Variants in ADAMTS14 observed in about 807,000 individuals in gnomAD.
ADAMTS14 encodes A disintegrin and metalloproteinase with thrombospondin motifs 14.
ADAMTS14 carries 100 observed loss-of-function variants against 128.6 expected under a neutral mutation model. That is an observed-to-expected ratio of 0.78 (90% CI 0.66 to 0.92). The LOEUF is 0.92. Ranked by LOEUF, ADAMTS14 falls within the 40% of genes least tolerant of loss-of-function variation. The pLI is 0.00. For missense variants in ADAMTS14, 1,562 were observed against 1,658.6 expected, an observed-to-expected ratio of 0.94 and a Z score of 1.01; for synonymous variants, 665 against 653.8, an observed-to-expected ratio of 1.02 and a Z score of -0.26.
chr10:70,727,025 T>C (rs929851567), intron 4 of ADAMTS14, among the ~76,000 whole-genome samples: 1 of 152,198 alleles, frequency 6.6e-6, no homozygotes, highest in African/African-American at 2.4e-5. Context: ...TGCTACTCAA[T>C]TGGATCCAGA....
rs371405895 is a variant in ADAMTS14 at position 70,759,357 on chromosome 10, T to TTC, written c.3179-989_3179-988dup. On this transcript the variant is annotated intron_variant, in intron 21 of 21. Coordinates refer to ENST00000373207, the MANE Select transcript of ADAMTS14 (RefSeq NM_080722.4). ...CCTCCCACTCTTCCCACCTCCCTCT[T>TTC]TCTCTCTCTCTCTCTGGCAAAAATT... Among the ~76,000 whole-genome samples the TTC allele has an allele frequency of 9.9e-4, 150 of 151,080 alleles. 1 individual carries two copies. The East Asian group carries it at 0.024, about 24-fold the overall frequency.
chr10:70,716,466 G>A (rs1841048009), intron 4 of ADAMTS14, among the ~76,000 whole-genome samples: 1 of 152,218 alleles, frequency 6.6e-6, no homozygotes, highest in South Asian at 2.1e-4. Flanking sequence ...CCGAACAGGT[G>A]CAGAGGACGG....
rs1418346253 is a variant in ADAMTS14 at position 70,719,535 on chromosome 10, G to A, written c.871-9759G>A. 3.3e-5 allele frequency among the ~76,000 whole-genome samples: 5 copies of A among 152,034 alleles called. 2 individuals carry two copies. Among genetic ancestry groups the A allele is most frequent in the Admixed American group, 2.6e-4 (4 of 15,256 alleles). On this transcript the variant is annotated intron_variant, in intron 4 of 21. Transcript: ENST00000373207. ...TCCTGCCTCAGCCTCCCAAGTAGCT[G>A]GGACTATAGGCATGGCTGACTGTGC... is the stretch of plus-strand genomic sequence containing the variant.
chr10:70,701,811 G>A lies in ADAMTS14; in HGVS notation c.523-501G>A, dbSNP rs574987557. On this transcript the variant is annotated intron_variant, in intron 2 of 21. Coordinates refer to ENST00000373207, the MANE Select transcript of ADAMTS14 (RefSeq NM_080722.4). ...GTGCACACCCACGTGCTTTCAACCT[G>A]AAATAACAGCGCTTCATATTGGAGT... is the stretch of plus-strand genomic sequence containing the variant. Among the ~76,000 whole-genome samples the A allele has an allele frequency of 1.9e-3, 292 of 152,236 alleles. 1 individual carries two copies. The highest frequency in any genetic ancestry group is 6.7e-3 in the African/African-American group (280 of 41,546).
At chr10:70,753,386 C>T (rs933698968) in intron 18 of ADAMTS14, among the ~76,000 whole-genome samples, 1 of 152,160 alleles carries the variant, frequency 6.6e-6, no homozygotes, top group Admixed American at 6.5e-5. Context: ...GGGGATCTGC[C>T]TTGAAAGTGT....
chr10:70,757,066 C>T (rs989995796), intron 19 of ADAMTS14, among the ~76,000 whole-genome samples: 1 of 152,082 alleles, frequency 6.6e-6, no homozygotes, highest in Non-Finnish European at 1.5e-5. Context: ...AAGTGGGGTC[C>T]TGCAAATTCC....
At chr10:70,706,682 T>C (rs1840678432) in intron 3 of ADAMTS14, among the ~76,000 whole-genome samples, 1 of 152,202 alleles carries the variant, frequency 6.6e-6, no homozygotes, top group Non-Finnish European at 1.5e-5. Context: ...CCAGAGGGCT[T>C]TCCCTGCCAG....
At chr10:70,673,442 G>A (rs932181940) in intron 1 of ADAMTS14, among the ~76,000 whole-genome samples, 1 of 143,626 alleles carries the variant, frequency 7.0e-6, no homozygotes, top group Non-Finnish European at 1.6e-5. Context: ...CTTGCATACA[G>A]ACCAGATACA....
At chr10:70,676,557 GGATCT>G (rs1334118828) in intron 2 of ADAMTS14, among the ~76,000 whole-genome samples, 2 of 152,178 alleles carry the variant, frequency 1.3e-5, no homozygotes, top group Non-Finnish European at 2.9e-5. Flanking sequence ...GGAGGGACCA[GGATCT>G]GATCATTACC....
rs752458774 is a variant in ADAMTS14, at chr10:70,674,737, C to A, written c.264C>A (p.Ser88Arg). The change falls in exon 2 of 22, where the codon AGC becomes AGA. Residue 88 changes from serine (S) to arginine (R), a missense_variant. Physicochemically the swap from Ser to Arg is moderately radical, Grantham distance 110 (BLOSUM62 -1). Transcript: ENST00000373207. Reference sequence around the variant, plus strand: ...CCAGTCACCTCCGGGTGGCTCGCAGCCCTCTGCACCCAGGAGGGACCCTGT... The same window carrying A: ...CCAGTCACCTCCGGGTGGCTCGCAGACCTCTGCACCCAGGAGGGACCCTGT... ...RHSSHLRVAR[S>R]PLHPGGTLWP... is the part of the protein sequence containing the mutation. 4.1e-5 allele frequency: 66 copies of A among 1,613,376 alleles called. No homozygotes were observed. The highest frequency in any genetic ancestry group is 2.2e-5 in the East Asian group (1 of 44,890).
chr10:70,757,673 C>T (rs1028648782), intron 19 of ADAMTS14, among the ~76,000 whole-genome samples: 3 of 152,170 alleles, frequency 2.0e-5, no homozygotes, highest in Non-Finnish European at 4.4e-5. Context: ...CCCTCCTGAG[C>T]CAGAGATTAA....
intron 21 of ADAMTS14, among the ~76,000 whole-genome samples, chr10:70,758,748 T>C (rs551710502): frequency 6.6e-6 from 1 of 152,190 alleles, no homozygotes; most frequent in Non-Finnish European, 1.5e-5. Context: ...GGTGAGATAA[T>C]TGGATGAGAG....
intron 4 of ADAMTS14, among the ~76,000 whole-genome samples, chr10:70,715,874 C>T (rs755593278): frequency 3.9e-5 from 6 of 152,126 alleles, no homozygotes; most frequent in Non-Finnish European, 7.3e-5. Flanking sequence ...TCTCTGAGCC[C>T]TTGATGTTCA....
intron 3 of ADAMTS14, 104 bp downstream of exon 3, chr10:70,702,572 T>C (rs1840531240): frequency 5.6e-6 from 8 of 1,425,724 alleles, no homozygotes; most frequent in South Asian, 1.4e-5. Context: ...TCAGTCTTCT[T>C]ATCTGTAAAA....
Position 70,702,405 on chromosome 10 carries a change from GTGTA to G in ADAMTS14, c.617_620del (p.Val206AlafsTer82). The G allele has an allele frequency of 6.2e-7, 1 of 1,614,042 alleles. No homozygotes were observed. ...GGAGGCCAGCGGGAGGACACATGTG[GTGTA>G]CCGCCGGGAGGCCGTCCAGCAGGAG... On this transcript the variant is annotated frameshift_variant, in exon 3 of 22. Coordinates refer to ENST00000373207, the MANE Select transcript of ADAMTS14 (RefSeq NM_080722.4). LOFTEE classifies it high-confidence loss of function.
At chr10:70,700,020 G>A (rs979739694) in intron 2 of ADAMTS14, among the ~76,000 whole-genome samples, 4 of 151,944 alleles carry the variant, frequency 2.6e-5, no homozygotes, top group South Asian at 2.1e-4. Context: ...TATCAGACAC[G>A]GGTGCAGAAA....
At chr10:70,690,625 C>A (rs978327103) in intron 2 of ADAMTS14, among the ~76,000 whole-genome samples, 1 of 145,236 alleles carries the variant, frequency 6.9e-6, no homozygotes, top group Non-Finnish European at 1.6e-5. Context: ...TAGTCAGCGA[C>A]CCACTGGGCC....
chr10:70,704,316 A>C (rs1021052866), intron 3 of ADAMTS14, among the ~76,000 whole-genome samples: 1 of 151,990 alleles, frequency 6.6e-6, no homozygotes, highest in Non-Finnish European at 1.5e-5. Flanking sequence ...CTGCTTCCTG[A>C]AAAGGGCATG....
At chr10:70,716,701 C>T (rs761494813) in intron 4 of ADAMTS14, among the ~76,000 whole-genome samples, 10 of 152,170 alleles carry the variant, frequency 6.6e-5, no homozygotes, top group Non-Finnish European at 1.3e-4. Context: ...TCCTGATTTC[C>T]GGGGCCAGGT....
Sources: allele counts gnomAD v4.1 joint callset (sites outside exome capture counted in the v4.1 genomes callset), GRCh38; gene constraint gnomAD v4.1.1; transcripts MANE v1.5; gene names NCBI Gene and HGNC (gene_info 2026-07-23, HGNC 2026-07-21).